ARHGAP15: variants seen among roughly 807,000 people sequenced by gnomAD.
ARHGAP15 encodes the protein rho GTPase-activating protein 15.
Under a neutral mutation model 63.7 loss-of-function variants are expected in ARHGAP15, and 51 were observed. That is an observed-to-expected ratio of 0.80 (90% CI 0.64 to 1.01). The LOEUF (loss-of-function observed/expected upper bound fraction) is 1.01. Ranked by LOEUF, ARHGAP15 falls within the 50% of genes least tolerant of loss-of-function variation. The pLI, the probability that ARHGAP15 is intolerant of heterozygous loss-of-function variation, is 0.00. For missense variants in ARHGAP15, 560 were observed against 564.6 expected (o/e 0.99, Z 0.08); for synonymous variants, 191 against 193.8 (o/e 0.99, Z 0.12).
chr2:143,587,741 C>G (rs745879570), intron 11 of ARHGAP15: 24 of 470,476 alleles, frequency 5.1e-5, no homozygotes, highest in Non-Finnish European at 2.2e-5. Context: ...TGTGGACACC[C>G]CTAGTAAGCT....
chr2:143,182,761 C>G (rs12691669), intron 2 of ARHGAP15, among the ~76,000 whole-genome samples: 50,780 of 151,982 alleles, frequency 0.33, 8,659 homozygotes, highest in South Asian at 0.47. Context: ...CAGTAGAAAG[C>G]TCACAAGGAC....
chr2:143,736,227 G>T (rs1306968727), intron 13 of ARHGAP15, among the ~76,000 whole-genome samples: 1 of 152,032 alleles, frequency 6.6e-6, no homozygotes, highest in Non-Finnish European at 1.5e-5. Context: ...GTGAAACCTT[G>T]TCTCTACTAA....
chr2:143,408,052 T>C (rs900592915), intron 6 of ARHGAP15, among the ~76,000 whole-genome samples: 3 of 142,032 alleles, frequency 2.1e-5, no homozygotes, highest in African/African-American at 7.6e-5. Context: ...TCTCACTCTT[T>C]TCTGAGGAAG....
At chr2:143,327,630 AT>A (rs1455601917) in intron 6 of ARHGAP15, among the ~76,000 whole-genome samples, 1 of 152,128 alleles carries the variant, frequency 6.6e-6, no homozygotes, top group African/African-American at 2.4e-5. Context: ...AAGACTTAAC[AT>A]AAGACCTAAA....
At chr2:143,530,654 C>A (rs1451310765) in intron 10 of ARHGAP15, among the ~76,000 whole-genome samples, 1 of 152,112 alleles carries the variant, frequency 6.6e-6, no homozygotes, top group African/African-American at 2.4e-5. Context: ...CACCACTTTC[C>A]AGGCATCTAC....
chr2:143,601,523 G>C (rs917182051), intron 11 of ARHGAP15: 10 of 152,124 alleles, frequency 6.6e-5, no homozygotes, highest in African/African-American at 2.2e-4. Context: ...TAAAAGTTGA[G>C]CTCTATGATT....
chr2:143,154,786 G>C (rs1004750900), intron 1 of ARHGAP15, among the ~76,000 whole-genome samples: 9 of 151,928 alleles, frequency 5.9e-5, no homozygotes, highest in Non-Finnish European at 1.2e-4. Context: ...TCTCATTGCT[G>C]CTCCTTTAAA....
chr2:143,681,815 A>G (rs1464628200), intron 12 of ARHGAP15, among the ~76,000 whole-genome samples: 1 of 152,178 alleles, frequency 6.6e-6, no homozygotes, highest in Non-Finnish European at 1.5e-5. Flanking sequence ...AAGCAATTTG[A>G]GATAAAGAAT....
chr2:143,405,272 T>G (rs1165310660), intron 6 of ARHGAP15, among the ~76,000 whole-genome samples: 20 of 25,288 alleles, frequency 7.9e-4, no homozygotes, highest in South Asian at 5.2e-3. Context: ...AGCCAGGTGT[T>G]TTTTTTTTCT....
intron 13 of ARHGAP15, among the ~76,000 whole-genome samples, chr2:143,722,662 C>T (rs1685112636): frequency 1.3e-5 from 2 of 152,174 alleles, no homozygotes; most frequent in African/African-American, 4.8e-5. Context: ...GTATGTGCAG[C>T]CTGTAATTCA....
At chr2:143,329,231 T>G (rs920210567) in intron 6 of ARHGAP15, among the ~76,000 whole-genome samples, 1 of 152,174 alleles carries the variant, frequency 6.6e-6, no homozygotes, top group Non-Finnish European at 1.5e-5. Flanking sequence ...TTTATGGCAA[T>G]GGTGAATGAA....
At chr2:143,297,867 C>A (rs1162261933) in intron 6 of ARHGAP15, among the ~76,000 whole-genome samples, 1 of 151,998 alleles carries the variant, frequency 6.6e-6, no homozygotes, top group Non-Finnish European at 1.5e-5. Flanking sequence ...AAACCCACCA[C>A]AAAACAGTAT....
chr2:143,573,782 A>G (rs1365470128), intron 11 of ARHGAP15, among the ~76,000 whole-genome samples: 1 of 152,014 alleles, frequency 6.6e-6, no homozygotes, highest in Non-Finnish European at 1.5e-5. Flanking sequence ...TTGGAGGTGC[A>G]CTCTTCCTTT....
At chr2:143,199,130 T>G (rs6709690) in intron 2 of ARHGAP15, among the ~76,000 whole-genome samples, 19,212 of 152,150 alleles carry the variant, frequency 0.13, 1,344 homozygotes, top group Middle Eastern at 0.24. Flanking sequence ...CTTTCACTCC[T>G]GAGAAGAAGC....
chr2:143,638,947 G>A (rs1338190310), intron 12 of ARHGAP15, among the ~76,000 whole-genome samples: 1 of 151,826 alleles, frequency 6.6e-6, no homozygotes, highest in African/African-American at 2.4e-5. Flanking sequence ...ACTCCTTTGT[G>A]GTTACTATTA....
chr2:143,711,710 C>T (rs540207005), intron 13 of ARHGAP15, among the ~76,000 whole-genome samples: 1 of 152,270 alleles, frequency 6.6e-6, no homozygotes, highest in African/African-American at 2.4e-5. Flanking sequence ...GGGAGGATAG[C>T]TTGAGCTCAG....
chr2:143,488,549 G>A (rs1323309327), intron 9 of ARHGAP15, among the ~76,000 whole-genome samples: 1 of 152,126 alleles, frequency 6.6e-6, no homozygotes, highest in African/African-American at 2.4e-5. Context: ...TTGAAATTGG[G>A]CGAAAAGAAA....
At chr2:143,709,768 G>A (rs1000421455) in intron 13 of ARHGAP15, among the ~76,000 whole-genome samples, 1 of 151,932 alleles carries the variant, frequency 6.6e-6, no homozygotes, top group African/African-American at 2.4e-5. Context: ...GAAATATAAG[G>A]GTTGTATCAG....
intron 3 of ARHGAP15, among the ~76,000 whole-genome samples, chr2:143,211,697 C>A (rs370711120): frequency 5.9e-5 from 9 of 152,018 alleles, no homozygotes; most frequent in African/African-American, 2.2e-4. Context: ...AGAGCTGGGG[C>A]CTGTCTCAGC....
Sources: allele counts gnomAD v4.1 joint callset (sites outside exome capture counted in the v4.1 genomes callset), GRCh38; gene constraint gnomAD v4.1.1; transcripts MANE v1.5; gene names NCBI Gene and HGNC (gene_info 2026-07-23, HGNC 2026-07-21).